NEK7: variants seen among roughly 807,000 people sequenced by gnomAD.
The protein encoded by NEK7 is NIMA related kinase 7, also known as serine/threonine-protein kinase Nek7.
NEK7 carries 18 observed loss-of-function variants against 44.6 expected under a neutral mutation model. That is an observed-to-expected ratio of 0.40 (90% CI 0.28 to 0.60). The LOEUF (loss-of-function observed/expected upper bound fraction) is 0.60, where lower values mean the gene tolerates loss of function less well. Among genes scored for constraint, NEK7 ranks in the 20% least tolerant of loss-of-function variants. NEK7 has a pLI of 0.38. For missense variants in NEK7, 256 were observed against 366.5 expected (o/e 0.70, Z 2.46); for synonymous variants, 130 against 121.1 (o/e 1.07, Z -0.48).
chr1:198,218,580 T>G (rs1198012462), intron 1 of NEK7, among the ~76,000 whole-genome samples: 1 of 151,538 alleles, frequency 6.6e-6, no homozygotes, highest in Non-Finnish European at 1.5e-5. Context: ...TGGGACCAAA[T>G]TAAATTAAAA....
intron 5 of NEK7, among the ~76,000 whole-genome samples, chr1:198,265,156 A>T (rs1032638008): frequency 6.6e-6 from 1 of 152,066 alleles, no homozygotes; most frequent in Non-Finnish European, 1.5e-5. Flanking sequence ...ATCTTAAAGC[A>T]CATTCCTGAG....
rs71133919 is a variant in NEK7 at position 198,233,745 on chromosome 1, CT to C, written c.57+1128del. ...TCCAAACTTATTTGTCTATGGGATCCTTTTTTTTTTTTTTTTTTTTAGTGCA... is the reference window on the plus strand; with the variant it reads ...TCCAAACTTATTTGTCTATGGGATCCTTTTTTTTTTTTTTTTTTTAGTGCA... On this transcript the variant is annotated intron_variant, in intron 2 of 9. Coordinates refer to ENST00000367385, the MANE Select transcript of NEK7 (RefSeq NM_133494.3). 3.0e-3 allele frequency among the ~76,000 whole-genome samples: 360 copies of C among 121,924 alleles called. 1 individual carries two copies. Among genetic ancestry groups the C allele is most frequent in the African/African-American group, 7.5e-3 (242 of 32,060 alleles). The allele number at this position is 121,924 out of a possible 152,430, so 80.0% of individuals were successfully genotyped here. A position where few individuals can be genotyped will look rare whatever the true frequency, so the allele number is the denominator to read the frequency against.
intron 1 of NEK7, among the ~76,000 whole-genome samples, chr1:198,205,729 G>A (rs1424838063): frequency 1.3e-5 from 2 of 150,488 alleles, no homozygotes; most frequent in Admixed American, 1.3e-4. Flanking sequence ...TAATCCTTTT[G>A]CCTATTTAAT....
chr1:198,223,875 C>G (rs1406624686), intron 1 of NEK7, among the ~76,000 whole-genome samples: 1 of 151,966 alleles, frequency 6.6e-6, no homozygotes, highest in Non-Finnish European at 1.5e-5. Flanking sequence ...ATCTAAATAA[C>G]TCAGTGGACT....
rs1212111003 is a variant in NEK7 at position 198,228,677 on chromosome 1, A to G, written c.-28-3876A>G. ...TGATTTGGCTCTCTGTTTGTCTGTT[A>G]TTGGTGTATAAGAATGCTTATGATT... On this transcript the variant is annotated intron_variant, in intron 1 of 9. Coordinates refer to ENST00000367385, the MANE Select transcript of NEK7 (RefSeq NM_133494.3). Among the ~76,000 whole-genome samples the G allele has an allele frequency of 2.6e-5, 4 of 152,080 alleles. No individual in the cohort carries two copies. In the East Asian group the frequency reaches 5.8e-4, roughly 22 times the overall value.
chr1:198,198,511 C>G (rs1665312122), intron 1 of NEK7, among the ~76,000 whole-genome samples: 1 of 152,194 alleles, frequency 6.6e-6, no homozygotes, highest in African/African-American at 2.4e-5. Context: ...ATTTTCAAGC[C>G]TGTCGACCCA....
At chr1:198,203,972 G>C (rs1374480056) in intron 1 of NEK7, among the ~76,000 whole-genome samples, 1 of 152,154 alleles carries the variant, frequency 6.6e-6, no homozygotes, top group African/African-American at 2.4e-5. Flanking sequence ...TTAGAGATGA[G>C]AGCGGCCAGT....
intron 4 of NEK7, among the ~76,000 whole-genome samples, chr1:198,263,432 C>A (rs1653545910): frequency 6.6e-6 from 1 of 151,800 alleles, no homozygotes; most frequent in Non-Finnish European, 1.5e-5. Flanking sequence ...GCAGCGAAAA[C>A]TTTAAGTAGA....
At chr1:198,265,798 G>GTTGTTTAGTGTAGATAAAGA (rs1277704228) in intron 5 of NEK7, among the ~76,000 whole-genome samples, 6 of 151,954 alleles carry the variant, frequency 3.9e-5, no homozygotes, top group African/African-American at 1.5e-4. Context: ...ATTGATATGT[G>GTTGTTTAGTGTAGATAAAGA]GTTGGATATA....
intron 2 of NEK7, among the ~76,000 whole-genome samples, chr1:198,251,812 C>A (rs1195908237): frequency 6.6e-6 from 1 of 151,716 alleles, no homozygotes; most frequent in African/African-American, 2.4e-5. Context: ...TTTGTTGATC[C>A]TTTCAAAAAA....
intron 1 of NEK7, among the ~76,000 whole-genome samples, chr1:198,216,854 C>T (rs893113879): frequency 5.3e-5 from 8 of 151,420 alleles, no homozygotes; most frequent in Admixed American, 5.3e-4. Flanking sequence ...TGATAATTAT[C>T]AATTTCCTCG....
At chr1:198,209,984 G>C (rs139323168) in intron 1 of NEK7, among the ~76,000 whole-genome samples, 2 of 152,034 alleles carry the variant, frequency 1.3e-5, no homozygotes, top group African/African-American at 4.8e-5. Flanking sequence ...CTTTAGTAGA[G>C]ACGGGGTTTC....
intron 9 of NEK7, 44 bp downstream of exon 9, chr1:198,297,284 C>T (rs758473597): frequency 6.2e-7 from 1 of 1,603,990 alleles, no homozygotes; most frequent in East Asian, 2.2e-5. Flanking sequence ...GTCCATTTTG[C>T]TAACATTTTT....
chr1:198,276,190 A>G (rs1654012006), intron 5 of NEK7, among the ~76,000 whole-genome samples: 1 of 151,672 alleles, frequency 6.6e-6, no homozygotes, highest in Non-Finnish European at 1.5e-5. Flanking sequence ...TTTTTAAATT[A>G]TGCCTTTTCT....
At chr1:198,262,811 A>G (rs190856699) in intron 4 of NEK7, among the ~76,000 whole-genome samples, 174 bp downstream of exon 4, 256 of 152,032 alleles carry the variant, frequency 1.7e-3, no homozygotes, top group Middle Eastern at 6.8e-3. Context: ...TTTTGGATTT[A>G]TTGTTAAATA....
At chr1:198,253,844 A>G (rs948374988) in intron 3 of NEK7, among the ~76,000 whole-genome samples, 1 of 152,120 alleles carries the variant, frequency 6.6e-6, no homozygotes, top group Non-Finnish European at 1.5e-5. Context: ...CACTTGCCAG[A>G]GCCCTGAGTG....
chr1:198,297,092 C>A, intron 8 of NEK7, 35 bp from the exon 9 acceptor site: 1 of 1,329,364 alleles, frequency 7.5e-7, no homozygotes, highest in Non-Finnish European at 1.1e-6. Flanking sequence ...AAGTTACCAT[C>A]TAACTATATC....
intron 1 of NEK7, among the ~76,000 whole-genome samples, chr1:198,165,652 C>CTTAT (rs1664242164): frequency 6.6e-6 from 1 of 152,144 alleles, no homozygotes. Context: ...TTATAGCACA[C>CTTAT]AGGCAGAGTA....
chr1:198,295,558 T>C (rs1257764247), intron 8 of NEK7, among the ~76,000 whole-genome samples: 2 of 151,092 alleles, frequency 1.3e-5, no homozygotes, highest in East Asian at 3.9e-4. Context: ...ACATTTTTCA[T>C]CTGTCAAAGC....
Sources: allele counts gnomAD v4.1 joint callset (sites outside exome capture counted in the v4.1 genomes callset), GRCh38; gene constraint gnomAD v4.1.1; transcripts MANE v1.5; gene names NCBI Gene and HGNC (gene_info 2026-07-23, HGNC 2026-07-21).